POGLUT3: variants seen among roughly 807,000 people sequenced by gnomAD.
The protein encoded by POGLUT3 is protein O-glucosyltransferase 3, also known as KDEL (Lys-Asp-Glu-Leu) containing 2.
In POGLUT3, 48 loss-of-function variants were observed where a neutral mutation model predicts 54.3. The ratio of observed to expected loss-of-function variants is 0.88; its 90% confidence interval spans 0.70 to 1.12. The LOEUF (loss-of-function observed/expected upper bound fraction) is 1.12. Ranked by LOEUF, POGLUT3 falls within the 50% of genes most tolerant of loss-of-function variation. POGLUT3 has a pLI of 0.00. For missense variants in POGLUT3, 629 were observed against 618.7 expected (o/e 1.02, Z -0.18); for synonymous variants, 218 against 237.4 (o/e 0.92, Z 0.75).
At position 108,482,180 on chromosome 11, in the gene POGLUT3, A is replaced by T. The variant is rs764171034; in HGVS notation, c.727T>A (p.Trp243Arg). The T allele has an allele frequency of 4.3e-6, 7 of 1,613,956 alleles. No individual in the cohort carries two copies. In the East Asian group the frequency reaches 1.6e-4, roughly 36 times the overall value. ...DLEFYVNLGD[W>R]PLEHRKVNGT... ...TTGACTTTTCGATGCTCCAAGGGCC[A>T]ATCTCCAAGATTAACATAAAATTCT... The change falls in exon 4 of 8, where the codon TGG becomes AGG. Residue 243 changes from tryptophan to arginine, a missense_variant. Coordinates refer to ENST00000323468, the MANE Select transcript of POGLUT3 (RefSeq NM_153705.5).
intron 3 of POGLUT3, among the ~76,000 whole-genome samples, chr11:108,485,780 C>A (rs1299051580): frequency 2.0e-5 from 3 of 152,030 alleles, no homozygotes; most frequent in African/African-American, 4.8e-5. Context: ...ACCTCAGCCT[C>A]CTGAGTAGCT....
At position 108,492,443 on chromosome 11, in the gene POGLUT3, G is replaced by A. The variant is rs143755484; in HGVS notation, c.203-1276C>T. On this transcript the variant is annotated intron_variant, in intron 1 of 7. Coordinates refer to ENST00000323468, the MANE Select transcript of POGLUT3 (RefSeq NM_153705.5). ...TGGAAATCCACAGTCCTAGCAAAAG[G>A]AAAATTGTGACCAAAGTTGTTTTTC... Among the ~76,000 whole-genome samples, 1,077 of 152,226 alleles carry A rather than the reference G, an allele frequency of 7.1e-3. 13 individuals carry two copies. Among genetic ancestry groups the A allele is most frequent in the African/African-American group, 0.022 (927 of 41,544 alleles).
At chr11:108,492,118 C>A (rs1011160526) in intron 1 of POGLUT3, among the ~76,000 whole-genome samples, 1 of 152,012 alleles carries the variant, frequency 6.6e-6, no homozygotes, top group Non-Finnish European at 1.5e-5. Flanking sequence ...ACATACACAT[C>A]TTTGTAAATA....
At position 108,498,269 on chromosome 11, in the gene POGLUT3, A is replaced by G; in HGVS notation, c.98T>C (p.Leu33Pro). Residue 33 changes from leucine to proline, a missense_variant, in exon 1 of 8, where the codon CTG becomes CCG. Transcript: ENST00000323468. The stretch of plus-strand genomic sequence containing the variant: ...CGCCTGCAGCCCGGGCCCCCACACC[A>G]GGCTCCGCGGCGCGCTGACCAGCAC... Reference protein sequence around the residue: ...PEVLVSAPRSLVWGPGLQAAV... With the variant: ...PEVLVSAPRSPVWGPGLQAAV... 5 of 1,495,636 alleles carry G rather than the reference A, an allele frequency of 3.3e-6. No homozygotes were observed. Among genetic ancestry groups the G allele is most frequent in the South Asian group, 1.3e-5 (1 of 78,758 alleles). The allele number at this position is 1,495,636 out of a possible 1,614,324, so 92.6% of individuals were successfully genotyped here.
chr11:108,496,581 C>T (rs2093622632), intron 1 of POGLUT3, among the ~76,000 whole-genome samples: 1 of 151,062 alleles, frequency 6.6e-6, no homozygotes, highest in Non-Finnish European at 1.5e-5. Flanking sequence ...GCGTTTCTGT[C>T]AATAGAGTCG....
At chr11:108,493,092 T>C (rs2093616011) in intron 1 of POGLUT3, among the ~76,000 whole-genome samples, 1 of 152,214 alleles carries the variant, frequency 6.6e-6, no homozygotes, top group Admixed American at 6.5e-5. Context: ...AGAATATTAT[T>C]GACTATGTGA....
Position 108,498,177 on chromosome 11 carries a change from G to C in POGLUT3, c.190C>G (p.Arg64Gly), listed in dbSNP as rs1198133386. 4.0e-6 allele frequency: 6 copies of C among 1,517,036 alleles called. No individual in the cohort carries two copies. In the East Asian group the frequency reaches 1.7e-4, roughly 43 times the overall value. The allele number at this position is 1,517,036 out of a possible 1,614,324, so 94.0% of individuals were successfully genotyped here. A position where few individuals can be genotyped will look rare whatever the true frequency, so the allele number is the denominator to read the frequency against. Reference sequence around the variant, plus strand: ...GGCTGGACACTACCTGCGGGAGAGCGAGTGAGGTTCTGGCCCTCCGAGTTG... The same window carrying C: ...GGCTGGACACTACCTGCGGGAGAGCCAGTGAGGTTCTGGCCCTCCGAGTTG... Reference protein sequence around the residue: ...AVNSEGQNLTRSPAGETPFKV... With the variant: ...AVNSEGQNLTGSPAGETPFKV... Residue 64 changes from arginine (R) to glycine (G), a missense_variant, in exon 1 of 8, where the codon CGC (arginine) becomes GGC (glycine). Transcript: ENST00000323468.
chr11:108,489,590 A>G (rs1184353591), intron 2 of POGLUT3, among the ~76,000 whole-genome samples: 1 of 152,138 alleles, frequency 6.6e-6, no homozygotes, highest in Non-Finnish European at 1.5e-5. Context: ...AAACCCATCA[A>G]CCTATAACTA....
intron 4 of POGLUT3, 114 bp downstream of exon 4, chr11:108,481,892 G>T: frequency 1.2e-6 from 1 of 804,516 alleles, no homozygotes; most frequent in Non-Finnish European, 2.0e-6. Flanking sequence ...AGGTTGGTCA[G>T]AATTTTCAGT....
Position 108,491,145 on chromosome 11 carries a change from T to A in POGLUT3, c.225A>T (p.Val75=). ...SPAGETPFKV[V]VKSLSPKELV... Reference sequence around the variant, plus strand: ...ACTCTTTAGGTGAAAGAGATTTGACTACGACTTTGAATGGTGTTTCACCTA... The same window carrying A: ...ACTCTTTAGGTGAAAGAGATTTGACAACGACTTTGAATGGTGTTTCACCTA... The change falls in exon 2 of 8, where the codon GTA becomes GTT. Residue 75 remains valine (V), a synonymous_variant. Transcript: ENST00000323468. The A allele has an allele frequency of 6.2e-7, 1 of 1,613,590 alleles. No individual in the cohort carries two copies.
At chr11:108,482,344 A>G (rs1160619383) in intron 3 of POGLUT3, 122 bp from the exon 4 acceptor site, 4 of 642,956 alleles carry the variant, frequency 6.2e-6, no homozygotes, top group African/African-American at 1.8e-5. Flanking sequence ...AACAGAGAAG[A>G]GAGAAGAATG....
intron 2 of POGLUT3, 69 bp from the exon 3 acceptor site, chr11:108,486,509 GT>G (rs1565749246): frequency 6.8e-7 from 1 of 1,465,434 alleles, no homozygotes; most frequent in Non-Finnish European, 9.3e-7. Context: ...AGTCACTTCT[GT>G]CTCTGCTTCT....
chr11:108,487,231 C>G (rs2093605255), intron 2 of POGLUT3, among the ~76,000 whole-genome samples: 1 of 150,048 alleles, frequency 6.7e-6, no homozygotes. Flanking sequence ...CCACCCCTTC[C>G]AGTTGTCCCT....
At chr11:108,488,109 C>T (rs186232227) in intron 2 of POGLUT3, among the ~76,000 whole-genome samples, 6 of 151,792 alleles carry the variant, frequency 4.0e-5, no homozygotes, top group Admixed American at 6.6e-5. Context: ...CTGCAACCTC[C>T]GCCTCCTGGG....
intron 3 of POGLUT3, among the ~76,000 whole-genome samples, chr11:108,484,638 C>G (rs778991187): frequency 2.6e-5 from 4 of 152,114 alleles, no homozygotes; most frequent in Non-Finnish European, 5.9e-5. Flanking sequence ...CATCTGTAAT[C>G]CCAGCTACTC....
chr11:108,486,566 C>T (rs988001709), intron 2 of POGLUT3, 126 bp from the exon 3 acceptor site: 1 of 941,244 alleles, frequency 1.1e-6, no homozygotes, highest in East Asian at 2.6e-5. Context: ...CTAGACAAAT[C>T]AGTGGTGTAA....
At position 108,491,096 on chromosome 11, in the gene POGLUT3, G is replaced by T. The variant is rs1166204494; in HGVS notation, c.274C>A (p.Pro92Thr). The T allele has an allele frequency of 6.3e-7, 1 of 1,592,998 alleles. No individual in the cohort carries two copies. Among genetic ancestry groups the T allele is most frequent in the East Asian group, 2.3e-5 (1 of 43,144 alleles). ...AATGTTCCATCATTCCTGTCCAAAG[G>T]TTTAGGGACATGTATCCGGACCAAC... is the stretch of plus-strand genomic sequence containing the variant. ...KELVRIHVPK[P>T]LDRNDGTFLM... The change falls in exon 2 of 8, where the codon CCT (proline) becomes ACT (threonine). Residue 92 changes from proline (P) to threonine (T), a missense_variant. Physicochemically the swap from Pro to Thr is conservative, Grantham distance 38. Transcript: ENST00000323468.
chr11:108,490,874 A>T, intron 2 of POGLUT3, 96 bp downstream of exon 2: 1 of 775,224 alleles, frequency 1.3e-6, no homozygotes, highest in Non-Finnish European at 2.2e-6. Context: ...TGTTTACTTT[A>T]CTGCACATGA....
intron 5 of POGLUT3, among the ~76,000 whole-genome samples, chr11:108,480,895 C>CAA (rs146910035): frequency 7.7e-4 from 100 of 130,592 alleles, no homozygotes; most frequent in Non-Finnish European, 1.2e-3. Flanking sequence ...AAAGCAAATA[C>CAA]AAAAAAAAAA....
Sources: gnomAD v4.1 joint callset for allele counts (sites outside exome capture counted in the v4.1 genomes callset) on GRCh38, gnomAD v4.1.1 for gene constraint, MANE v1.5 for transcripts, NCBI Gene and HGNC (gene_info 2026-07-23, HGNC 2026-07-21) for gene names.